The following RBMS3 variants were observed in gnomAD, a reference collection of about 807,000 sequenced individuals.
The protein encoded by RBMS3 is RNA binding motif single stranded interacting protein 3.
RBMS3 carries 27 observed loss-of-function variants against 66.8 expected under a neutral mutation model. That is an observed-to-expected ratio of 0.40 (90% CI 0.30 to 0.56). The LOEUF is 0.56. RBMS3 is among the 20% of genes least tolerant of loss of function. The probability of loss-of-function intolerance (pLI) is 0.40; values close to 1 mark genes in which losing one functional copy is unlikely to be tolerated. For synonymous variants in RBMS3, 188 were observed against 183.0 expected, an observed-to-expected ratio of 1.03 and a Z score of -0.22; for missense variants, 513 against 549.5, an observed-to-expected ratio of 0.93 and a Z score of 0.66.
At chr3:29,959,486 G>A (rs990212410) in intron 12 of RBMS3, among the ~76,000 whole-genome samples, 1 of 152,058 alleles carries the variant, frequency 6.6e-6, no homozygotes, top group African/African-American at 2.4e-5. Flanking sequence ...AGGTGACTCT[G>A]GTGCATGATT....
chr3:29,418,711 T>C (rs1026996442), intron 1 of RBMS3, among the ~76,000 whole-genome samples: 1 of 152,132 alleles, frequency 6.6e-6, no homozygotes, highest in Non-Finnish European at 1.5e-5. Context: ...GGGTGCCTAT[T>C]TTCATTGGGT....
intron 3 of RBMS3, among the ~76,000 whole-genome samples, chr3:29,530,839 T>A (rs532277149): frequency 4.7e-5 from 7 of 149,332 alleles, no homozygotes; most frequent in Non-Finnish European, 1.0e-4. Flanking sequence ...GCCACTACAC[T>A]CCAGCCTGGG....
chr3:29,426,169 AT>A (rs1420583550), intron 1 of RBMS3, among the ~76,000 whole-genome samples: 1 of 152,234 alleles, frequency 6.6e-6, no homozygotes, highest in African/African-American at 2.4e-5. Flanking sequence ...TGTCTGAAGT[AT>A]ATGTTAATTT....
At position 30,009,338 on chromosome 3, in the gene RBMS3, TTTGA is replaced by T. The variant is rs539525518; in HGVS notation, c.*5479_*5482del. The T allele has an allele frequency of 6.6e-5, 10 of 152,124 alleles. No homozygotes were observed. The highest frequency in any genetic ancestry group is 1.5e-4 in the Non-Finnish European group (10 of 67,978). The allele number at this position is 152,124 out of a possible 1,614,324, so 9.4% of individuals were successfully genotyped here. On this transcript the variant is annotated 3_prime_UTR_variant, in exon 15 of 15. Transcript: ENST00000383767. ...GTGGAACAAACAATTGGAAATAAAA[TTTGA>T]TTATTTTATTTCTTATAAAGTATTA...
intron 5 of RBMS3, among the ~76,000 whole-genome samples, chr3:29,759,714 C>G (rs1038391581): frequency 2.3e-5 from 1 of 43,460 alleles, no homozygotes; most frequent in Admixed American, 2.5e-4. Flanking sequence ...TCTCTTTCCT[C>G]CCCCCCCAGA....
At chr3:29,410,849 T>C (rs763071385) in intron 1 of RBMS3, among the ~76,000 whole-genome samples, 1 of 152,114 alleles carries the variant, frequency 6.6e-6, no homozygotes, top group Non-Finnish European at 1.5e-5. Context: ...GCTTGTCAGC[T>C]GTTGCTGATA....
chr3:29,838,304 AC>A (rs1206377864), intron 6 of RBMS3, among the ~76,000 whole-genome samples: 9 of 151,932 alleles, frequency 5.9e-5, no homozygotes, highest in Non-Finnish European at 1.2e-4. Context: ...GTGCCATTGT[AC>A]TCTAGCCTGG....
chr3:29,590,173 A>G (rs1407375613), intron 4 of RBMS3, among the ~76,000 whole-genome samples: 1 of 151,982 alleles, frequency 6.6e-6, no homozygotes, highest in East Asian at 1.9e-4. Flanking sequence ...TTAGGAGCAT[A>G]GATTTGGAGA....
chr3:29,328,889 T>C (rs984822901), intron 1 of RBMS3, among the ~76,000 whole-genome samples: 1 of 152,200 alleles, frequency 6.6e-6, no homozygotes, highest in Non-Finnish European at 1.5e-5. Flanking sequence ...CCAAGTATAA[T>C]GTTTTGCACA....
At chr3:29,760,595 C>T (rs2055635776) in intron 5 of RBMS3, among the ~76,000 whole-genome samples, 2 of 151,346 alleles carry the variant, frequency 1.3e-5, no homozygotes, top group Admixed American at 1.3e-4. Flanking sequence ...ATAGTGGATC[C>T]TGTGGGAAGA....
intron 10 of RBMS3, among the ~76,000 whole-genome samples, chr3:29,934,563 A>G (rs2061216782): frequency 6.6e-6 from 1 of 152,176 alleles, no homozygotes; most frequent in Non-Finnish European, 1.5e-5. Flanking sequence ...AGCTTATCTT[A>G]TGTTTCTCAT....
chr3:29,897,039 G>A (rs981654354), intron 8 of RBMS3, among the ~76,000 whole-genome samples: 1 of 151,492 alleles, frequency 6.6e-6, no homozygotes, highest in Non-Finnish European at 1.5e-5. Context: ...AGTCACTTTT[G>A]TAAAGCTTGG....
intron 1 of RBMS3, chr3:29,391,027 G>C: frequency 2.6e-6 from 1 of 392,080 alleles, no homozygotes; most frequent in South Asian, 2.1e-5. Flanking sequence ...AGCTTTGTAT[G>C]TCAAGTTGGT....
chr3:29,807,107 A>G (rs1181525977), intron 6 of RBMS3, among the ~76,000 whole-genome samples: 1 of 151,950 alleles, frequency 6.6e-6, no homozygotes, highest in Non-Finnish European at 1.5e-5. Flanking sequence ...AAATAGAGAA[A>G]AAACATGACG....
At chr3:29,623,936 A>G (rs535553971) in intron 4 of RBMS3, among the ~76,000 whole-genome samples, 2 of 152,340 alleles carry the variant, frequency 1.3e-5, no homozygotes, top group South Asian at 2.1e-4. Context: ...TGTGGAGTAT[A>G]GTTTACTAGA....
At chr3:29,506,604 A>G (rs2044189817) in intron 3 of RBMS3, among the ~76,000 whole-genome samples, 1 of 152,006 alleles carries the variant, frequency 6.6e-6, no homozygotes, top group Admixed American at 6.6e-5. Flanking sequence ...AAATGTATTT[A>G]AAAGTATTCC....
chr3:29,650,920 T>C (rs1429153872), intron 4 of RBMS3, among the ~76,000 whole-genome samples: 1 of 152,214 alleles, frequency 6.6e-6, no homozygotes, highest in Admixed American at 6.5e-5. Context: ...GGAATGCTGG[T>C]TTATTCACTA....
At chr3:29,413,298 T>G (rs561955989) in intron 1 of RBMS3, among the ~76,000 whole-genome samples, 9 of 152,142 alleles carry the variant, frequency 5.9e-5, no homozygotes, top group Non-Finnish European at 1.2e-4. Flanking sequence ...TGAAACCAGA[T>G]GCAGAGGTTG....
intron 3 of RBMS3, among the ~76,000 whole-genome samples, chr3:29,535,710 CTTTTTTTTTTTTTTTTT>C (rs149022808): frequency 1.1e-3 from 45 of 39,748 alleles, no homozygotes; most frequent in Admixed American, 5.7e-3. Flanking sequence ...GATCATTGCT[CTTTTTTTTTTTTTTTTT>C]TTTTTTTTTT....
Sources: allele counts gnomAD v4.1 joint callset (sites outside exome capture counted in the v4.1 genomes callset), GRCh38; gene constraint gnomAD v4.1.1; transcripts MANE v1.5; gene names NCBI Gene and HGNC (gene_info 2026-07-23, HGNC 2026-07-21).